DOCK9: variants seen among roughly 807,000 people sequenced by gnomAD.
DOCK9 encodes the protein dedicator of cytokinesis 9.
A neutral mutation model predicts 263.3 loss-of-function variants in DOCK9; 89 were observed. That is an observed-to-expected ratio of 0.34 (90% CI 0.28 to 0.40). The LOEUF (loss-of-function observed/expected upper bound fraction) is 0.40. Ranked by LOEUF, DOCK9 falls within the 10% of genes least tolerant of loss-of-function variation. DOCK9 has a pLI of 1.00. For missense variants in DOCK9, 2,140 were observed against 2,603.4 expected (o/e 0.82, Z 3.87); for synonymous variants, 976 against 973.1 (o/e 1.00, Z -0.06).
Position 98,805,350 on chromosome 13 carries a change from G to C in DOCK9, c.5515-141C>G, listed in dbSNP as rs2090576968. On this transcript the variant is annotated intron_variant, in intron 48 of 52. Transcript: ENST00000682017. ...ACAAACATCCACATATCCACCACTT[G>C]GATCAACAACTGCTAGCAGTTTGCT... 6.8e-6 allele frequency: 5 copies of C among 737,646 alleles called. No individual in the cohort carries two copies. The East Asian group carries it at 1.3e-4, about 20-fold the overall frequency. 45.7% of individuals were successfully genotyped at this position (737,646 alleles called of 1,614,324 possible). A position where few individuals can be genotyped will look rare whatever the true frequency, so the allele number is the denominator to read the frequency against.
At chr13:98,866,563 C>T (rs1476993799) in intron 30 of DOCK9, among the ~76,000 whole-genome samples, 1 of 152,216 alleles carries the variant, frequency 6.6e-6, no homozygotes, top group Non-Finnish European at 1.5e-5. Flanking sequence ...AGAGCTATTG[C>T]TTGACAGACC....
At chr13:98,965,604 TACTA>T (rs2059109457) in intron 1 of DOCK9, among the ~76,000 whole-genome samples, 1 of 152,192 alleles carries the variant, frequency 6.6e-6, no homozygotes, top group South Asian at 2.1e-4. Flanking sequence ...TCTCAGCCCG[TACTA>T]AAACGATGCC....
At chr13:98,849,221 G>T (rs2093485707) in intron 36 of DOCK9, among the ~76,000 whole-genome samples, 1 of 152,020 alleles carries the variant, frequency 6.6e-6, no homozygotes, top group African/African-American at 2.4e-5. Context: ...CTCAGCAGAG[G>T]TCAGGAGACT....
At chr13:99,072,892 C>T (rs191162677) in intron 1 of DOCK9, among the ~76,000 whole-genome samples, 133 of 152,210 alleles carry the variant, frequency 8.7e-4, no homozygotes, top group Middle Eastern at 3.4e-3. Context: ...CAGCTACTTG[C>T]AAGGCTGAAG....
At chr13:98,815,233 T>C (rs1383145594) in intron 45 of DOCK9, among the ~76,000 whole-genome samples, 2 of 152,184 alleles carry the variant, frequency 1.3e-5, no homozygotes, top group African/African-American at 2.4e-5. Flanking sequence ...TGTGTATTTA[T>C]TATCTTGACT....
chr13:98,876,053 G>C (rs2043793392), intron 27 of DOCK9, among the ~76,000 whole-genome samples: 1 of 152,096 alleles, frequency 6.6e-6, no homozygotes, highest in Non-Finnish European at 1.5e-5. Context: ...TACACTGAAA[G>C]CATCAGCTTA....
intron 1 of DOCK9, among the ~76,000 whole-genome samples, chr13:99,032,482 C>CA (rs35786410): frequency 0.29 from 36,837 of 126,500 alleles, 4,858 homozygotes; most frequent in Middle Eastern, 0.39. Context: ...GACACCATCT[C>CA]AAAAAAAAAA....
chr13:98,816,087 T>G lies in DOCK9; in HGVS notation c.5131-5796A>C, dbSNP rs138367134. 1.1e-3 allele frequency among the ~76,000 whole-genome samples: 172 copies of G among 152,302 alleles called. 1 individual carries two copies. The highest frequency in any genetic ancestry group is 3.9e-3 in the African/African-American group (163 of 41,560). ...GTTCAAATATTTATCAAGCATCTAC[T>G]ACATGCAAGGCACAGCGCTTGACAC... On this transcript the variant is annotated intron_variant, in intron 45 of 52. Coordinates refer to ENST00000682017, the MANE Select transcript of DOCK9 (RefSeq NM_001366683.2).
At chr13:99,066,496 A>G (rs2142333011) in intron 1 of DOCK9, among the ~76,000 whole-genome samples, 1 of 152,354 alleles carries the variant, frequency 6.6e-6, no homozygotes, top group South Asian at 2.1e-4. Flanking sequence ...ACAAAGAACT[A>G]TAATAGCATA....
intron 1 of DOCK9, among the ~76,000 whole-genome samples, chr13:99,003,849 T>C (rs1396481058): frequency 1.3e-5 from 2 of 152,214 alleles, no homozygotes; most frequent in Non-Finnish European, 2.9e-5. Context: ...ATGAGATTCA[T>C]TAAAAACATG....
intron 2 of DOCK9, among the ~76,000 whole-genome samples, chr13:98,945,357 A>AC (rs2056565091): frequency 6.6e-6 from 1 of 152,166 alleles, no homozygotes; most frequent in African/African-American, 2.4e-5. Context: ...AAGTCACTCC[A>AC]CCATGGTCCA....
chr13:98,817,336 C>T (rs1243864575), intron 45 of DOCK9, among the ~76,000 whole-genome samples: 1 of 152,030 alleles, frequency 6.6e-6, no homozygotes, highest in Non-Finnish European at 1.5e-5. Flanking sequence ...CGCCTCCTAG[C>T]CATGCTTCCT....
At chr13:99,051,871 A>AAAAAAAAAAAAAAAC in intron 1 of DOCK9, among the ~76,000 whole-genome samples, 1 of 141,148 alleles carries the variant, frequency 7.1e-6, no homozygotes, top group Non-Finnish European at 1.6e-5. Flanking sequence ...AAAAAAAAAA[A>AAAAAAAAAAAAAAAC]AAAAAATCAG....
chr13:99,049,479 T>G (rs919708605), intron 1 of DOCK9, among the ~76,000 whole-genome samples: 1 of 151,904 alleles, frequency 6.6e-6, no homozygotes, highest in South Asian at 2.1e-4. Context: ...AAAAGACAAA[T>G]CTGGACTGAG....
chr13:98,932,544 T>C (rs2054139622), intron 2 of DOCK9, among the ~76,000 whole-genome samples: 1 of 152,264 alleles, frequency 6.6e-6, no homozygotes, highest in Admixed American at 6.5e-5. Flanking sequence ...ACAGCATTGG[T>C]CCTGGCAGTT....
At chr13:98,933,478 T>C (rs944145190) in intron 2 of DOCK9, among the ~76,000 whole-genome samples, 18 of 152,282 alleles carry the variant, frequency 1.2e-4, no homozygotes, top group African/African-American at 4.3e-4. Context: ...ACAGATAAGA[T>C]AGCATGATGT....
At chr13:98,952,168 G>A (rs892621489) in intron 2 of DOCK9, among the ~76,000 whole-genome samples, 1 of 151,928 alleles carries the variant, frequency 6.6e-6, no homozygotes, top group Admixed American at 6.6e-5. Context: ...AATGTGCTGG[G>A]ATTACAGGTG....
intron 1 of DOCK9, among the ~76,000 whole-genome samples, chr13:99,014,760 T>G (rs1050019866): frequency 2.0e-5 from 3 of 152,204 alleles, no homozygotes; most frequent in African/African-American, 7.2e-5. Flanking sequence ...GACCCATATG[T>G]GGCTCCTCAC....
chr13:98,857,278 T>A lies in DOCK9; in HGVS notation c.3698-1247A>T, dbSNP rs140585108. 283 of 152,318 alleles carry A rather than the reference T, an allele frequency of 1.9e-3. 3 individuals carry two copies. Among genetic ancestry groups the A allele is most frequent in the African/African-American group, 6.5e-3 (272 of 41,578 alleles). The allele number at this position is 152,318 out of a possible 1,614,324, so 9.4% of individuals were successfully genotyped here. A position where few individuals can be genotyped will look rare whatever the true frequency, so the allele number is the denominator to read the frequency against. Reference sequence around the variant, plus strand: ...TCACAACAGGCTGGTTGTTTTCAGATCTCAGTAGGCAAATGAGCTGCCATG... The same window carrying A: ...TCACAACAGGCTGGTTGTTTTCAGAACTCAGTAGGCAAATGAGCTGCCATG... On this transcript the variant is annotated intron_variant, in intron 33 of 52. Coordinates refer to ENST00000682017, the MANE Select transcript of DOCK9 (RefSeq NM_001366683.2).
Sources: allele counts gnomAD v4.1 joint callset (sites outside exome capture counted in the v4.1 genomes callset), GRCh38; gene constraint gnomAD v4.1.1; transcripts MANE v1.5; gene names NCBI Gene and HGNC (gene_info 2026-07-23, HGNC 2026-07-21).